MAGT1: variants seen among roughly 807,000 people sequenced by gnomAD.
MAGT1 encodes magnesium transporter 1, also known as dolichyl-diphosphooligosaccharide--protein glycosyltransferase subunit MAGT1.
In MAGT1, 4 loss-of-function variants were observed where a neutral mutation model predicts 28.4. The observed-to-expected ratio is 0.14, with a 90% CI of 0.07 to 0.32. The LOEUF (loss-of-function observed/expected upper bound fraction) is 0.32, where lower values mean the gene tolerates loss of function less well. Ranked by LOEUF, MAGT1 falls within the 10% of genes least tolerant of loss-of-function variation. The probability of loss-of-function intolerance (pLI) is 1.00; values close to 1 mark genes in which losing one functional copy is unlikely to be tolerated. For synonymous variants in MAGT1, 89 were observed against 89.7 expected (o/e 0.99, Z 0.04); for missense variants, 193 against 264.5 (o/e 0.73, Z 1.88).
chrX:77,832,025 G>A (rs1292714994), intron 8 of MAGT1, among the ~76,000 whole-genome samples: 1 of 111,699 alleles, frequency 9.0e-6, no homozygotes, highest in Non-Finnish European at 1.9e-5. Context: ...TAACTACACA[G>A]CCTTATATAT....
chrX:77,891,280 C>A (rs2077081430), intron 1 of MAGT1, among the ~76,000 whole-genome samples: 2 of 109,935 alleles, frequency 1.8e-5, no homozygotes, highest in South Asian at 7.8e-4. Context: ...TATGAGCAAG[C>A]CCCCAACCAC....
intron 1 of MAGT1, among the ~76,000 whole-genome samples, chrX:77,877,178 A>C (rs2050760938): frequency 9.0e-6 from 1 of 111,107 alleles, no homozygotes; most frequent in Non-Finnish European, 1.9e-5. Context: ...CATAAAAAAA[A>C]AAAATTGATA....
chrX:77,829,087 T>C lies in MAGT1; in HGVS notation c.*133A>G, dbSNP rs2076890895. 4 of 544,522 alleles carry C rather than the reference T, an allele frequency of 7.3e-6. No homozygotes were observed. Among genetic ancestry groups the C allele is most frequent in the Non-Finnish European group, 1.3e-5 (4 of 314,732 alleles). 44.9% of individuals were successfully genotyped at this position (544,522 alleles called of 1,213,427 possible). A position where few individuals can be genotyped will look rare whatever the true frequency, so the allele number is the denominator to read the frequency against. ...GCACTACACATCTTCTTTGGTTAAA[T>C]GATTAACTATTTAAATCACTTGAAA... On this transcript the variant is annotated 3_prime_UTR_variant, in exon 10 of 10. Transcript: ENST00000618282.
intron 7 of MAGT1, among the ~76,000 whole-genome samples, chrX:77,844,728 T>C (rs1474858020): frequency 1.8e-5 from 2 of 111,879 alleles, no homozygotes; most frequent in African/African-American, 6.5e-5. Context: ...GAGCAGGCTG[T>C]TCAGTTTCCA....
rs1002111377 is a variant in MAGT1, at chrX:77,856,179, T to G, written c.672+554A>C. On this transcript the variant is annotated intron_variant, in intron 5 of 9. Transcript: ENST00000618282. ...GGCTGGGCATGGTGGCTCATACCTG[T>G]AACCCCAGCACTTTGGGAGGCTGAG... Among the ~76,000 whole-genome samples the G allele has an allele frequency of 3.6e-5, 4 of 111,148 alleles. No homozygotes were observed. The East Asian group carries it at 1.1e-3, about 32-fold the overall frequency.
chrX:77,889,377 T>TA (rs1491132712), intron 1 of MAGT1, among the ~76,000 whole-genome samples: 317 of 99,054 alleles, frequency 3.2e-3, no homozygotes, highest in Non-Finnish European at 3.8e-3. Context: ...TATATATATA[T>TA]TTTTTTTTTT....
Position 77,828,677 on chromosome X carries a change from A to G in MAGT1, c.*543T>C, listed in dbSNP as rs2076889996. ...GAGGGCTAGACGTGTGCTCTGAAGAATGGTGTTCCATTTTCAGAAGACCAC... is the reference window on the plus strand; with the variant it reads ...GAGGGCTAGACGTGTGCTCTGAAGAGTGGTGTTCCATTTTCAGAAGACCAC... On this transcript the variant is annotated 3_prime_UTR_variant, in exon 10 of 10. Coordinates refer to ENST00000618282, the MANE Select transcript of MAGT1 (RefSeq NM_001367916.1). The G allele has an allele frequency of 8.8e-6, 1 of 114,131 alleles. No individual in the cohort carries two copies. Among genetic ancestry groups the G allele is most frequent in the Non-Finnish European group, 1.8e-5 (1 of 54,747 alleles). The allele number at this position is 114,131 out of a possible 1,213,427, so 9.4% of individuals were successfully genotyped here. A position where few individuals can be genotyped will look rare whatever the true frequency, so the allele number is the denominator to read the frequency against.
chrX:77,873,266 C>T (rs1014711128), intron 2 of MAGT1, among the ~76,000 whole-genome samples: 7 of 111,795 alleles, frequency 6.3e-5, no homozygotes, highest in African/African-American at 2.3e-4. Context: ...GGGAGAAAAT[C>T]GTTAAAGAAA....
chrX:77,835,488 G>A (rs1250879054), intron 8 of MAGT1, among the ~76,000 whole-genome samples: 1 of 111,568 alleles, frequency 9.0e-6, no homozygotes, highest in Non-Finnish European at 1.9e-5. Flanking sequence ...CACTGTTGGG[G>A]GGAATGTAAG....
At chrX:77,848,832 G>A (rs961581060) in intron 7 of MAGT1, among the ~76,000 whole-genome samples, 108 of 110,308 alleles carry the variant, frequency 9.8e-4, no homozygotes, top group Non-Finnish European at 9.8e-4. Flanking sequence ...GGACGACAGG[G>A]CGAGACTCCA....
At chrX:77,882,663 C>G (rs1275560566) in intron 1 of MAGT1, among the ~76,000 whole-genome samples, 1 of 110,642 alleles carries the variant, frequency 9.0e-6, no homozygotes, top group African/African-American at 3.3e-5. Context: ...CGTTTTCAAG[C>G]AGGTCTACAT....
At chrX:77,874,885 C>T (rs1208814461) in intron 2 of MAGT1, among the ~76,000 whole-genome samples, 1 of 106,385 alleles carries the variant, frequency 9.4e-6, no homozygotes, top group Admixed American at 1.0e-4. Context: ...GAGACAGTCT[C>T]GCTCTGTCGC....
chrX:77,883,553 C>CT (rs1166624171), intron 1 of MAGT1, among the ~76,000 whole-genome samples: 1,273 of 61,588 alleles, frequency 0.021, 26 homozygotes, highest in African/African-American at 0.051. Flanking sequence ...AATTCATTTT[C>CT]TTTTTTTTTT....
At chrX:77,849,338 C>T (rs1557215304) in intron 7 of MAGT1, among the ~76,000 whole-genome samples, 1 of 110,046 alleles carries the variant, frequency 9.1e-6, no homozygotes, top group Non-Finnish European at 1.9e-5. Flanking sequence ...CCTCAGCCTC[C>T]CAAAGTGCTG....
chrX:77,869,245 C>T (rs782612995), intron 3 of MAGT1, among the ~76,000 whole-genome samples: 1 of 110,889 alleles, frequency 9.0e-6, no homozygotes, highest in South Asian at 3.8e-4. Context: ...AAACTCTTGA[C>T]CTCGAGTGAT....
chrX:77,827,588 C>T lies in MAGT1; in HGVS notation c.*1632G>A, dbSNP rs2076886325. On this transcript the variant is annotated 3_prime_UTR_variant, in exon 10 of 10. Coordinates refer to ENST00000618282, the MANE Select transcript of MAGT1 (RefSeq NM_001367916.1). ...TCCTGTGTAGCTGGGATTACAGGCT[C>T]CTGCCACCACACCCAGCTAATTTTT... The T allele has an allele frequency of 9.2e-6, 1 of 108,636 alleles. No homozygotes were observed. The allele number at this position is 108,636 out of a possible 1,213,427, so 9.0% of individuals were successfully genotyped here.
chrX:77,851,152 G>C (rs1421850910), intron 7 of MAGT1, among the ~76,000 whole-genome samples: 2 of 108,955 alleles, frequency 1.8e-5, no homozygotes, highest in African/African-American at 6.7e-5. Context: ...TGTATTTCTT[G>C]TTGAGATGAG....
chrX:77,841,206 G>C (rs782261573), intron 8 of MAGT1, 40 bp downstream of exon 8: 1 of 996,115 alleles, frequency 1.0e-6, no homozygotes, highest in Non-Finnish European at 1.4e-6. Context: ...TTTTTCCATA[G>C]TACAGGCAGC....
At chrX:77,854,263 G>C (rs1325736507) in intron 6 of MAGT1, among the ~76,000 whole-genome samples, 3 of 111,304 alleles carry the variant, frequency 2.7e-5, no homozygotes, top group African/African-American at 9.8e-5. Flanking sequence ...CAATCCCAAA[G>C]TCCTGGCTCC....
Sources: allele counts gnomAD v4.1 joint callset (sites outside exome capture counted in the v4.1 genomes callset), GRCh38; gene constraint gnomAD v4.1.1; transcripts MANE v1.5; gene names NCBI Gene and HGNC (gene_info 2026-07-23, HGNC 2026-07-21).